The following EXOC6 variants were observed in gnomAD, a reference collection of about 807,000 sequenced individuals.
EXOC6 encodes exocyst complex component 6, also known as SEC15-like 1.
EXOC6 carries 60 observed loss-of-function variants against 112.5 expected under a neutral mutation model. The ratio of observed to expected loss-of-function variants is 0.53; its 90% CI spans 0.43 to 0.66. The LOEUF (loss-of-function observed/expected upper bound fraction) is 0.66, where lower values mean the gene tolerates loss of function less well. EXOC6 is among the 30% of genes least tolerant of loss of function. The probability of loss-of-function intolerance (pLI) is 0.00; values close to 1 mark genes in which losing one functional copy is unlikely to be tolerated. For missense variants in EXOC6, 855 were observed against 957.1 expected, an observed-to-expected ratio of 0.89 and a Z score of 1.41; for synonymous variants, 295 against 308.0, an observed-to-expected ratio of 0.96 and a Z score of 0.44.
chr10:92,926,119 A>G (rs1403821677), intron 8 of EXOC6, among the ~76,000 whole-genome samples: 1 of 151,910 alleles, frequency 6.6e-6, no homozygotes, highest in East Asian at 1.9e-4. Flanking sequence ...TATATTATTA[A>G]TGGGGGAAAA....
At chr10:92,872,253 T>C (rs138946659) in intron 1 of EXOC6, among the ~76,000 whole-genome samples, 2 of 152,208 alleles carry the variant, frequency 1.3e-5, no homozygotes, top group East Asian at 3.9e-4. Context: ...GATCCAAAAG[T>C]TTTTTTATAT....
At chr10:92,827,170 AT>A (rs952196238) in intron 1 of EXOC6, among the ~76,000 whole-genome samples, 1 of 151,314 alleles carries the variant, frequency 6.6e-6, no homozygotes, top group East Asian at 1.9e-4. Flanking sequence ...CCCACACAGT[AT>A]TTTTTTTTAA....
intron 17 of EXOC6, among the ~76,000 whole-genome samples, chr10:92,959,989 T>G (rs1263029407): frequency 6.6e-6 from 1 of 152,214 alleles, no homozygotes; most frequent in African/African-American, 2.4e-5. Context: ...TACCATATGA[T>G]GCAGCAATTG....
chr10:92,910,994 TA>T (rs1183529222), intron 6 of EXOC6, among the ~76,000 whole-genome samples: 1 of 48,510 alleles, frequency 2.1e-5, no homozygotes, highest in Non-Finnish European at 3.8e-5. Flanking sequence ...AACAAGAATG[TA>T]AAAATATTAG....
At chr10:92,941,734 C>T (rs750183960) in intron 13 of EXOC6, among the ~76,000 whole-genome samples, 4 of 152,006 alleles carry the variant, frequency 2.6e-5, no homozygotes, top group African/African-American at 9.7e-5. Flanking sequence ...AGAATCTAAA[C>T]GAGAAAATTA....
chr10:93,006,228 T>G (rs191604842), intron 19 of EXOC6, among the ~76,000 whole-genome samples: 1 of 152,120 alleles, frequency 6.6e-6, no homozygotes, highest in Non-Finnish European at 1.5e-5. Flanking sequence ...TATAGAGTTT[T>G]AGCGACTATG....
chr10:92,934,542 AGTT>A lies in EXOC6; in HGVS notation c.1140+114_1140+116del, dbSNP rs1167461668. On this transcript the variant is annotated intron_variant, in intron 11 of 21. Transcript: ENST00000260762. ...CTCCATCATTCTGCATTTTTTTAGT[AGTT>A]GCTTAGATTTGGAAGTAGTAATGTC... The A allele has an allele frequency of 6.5e-6, 6 of 921,940 alleles. No individual in the cohort carries two copies. The East Asian group carries it at 1.8e-4, about 27-fold the overall frequency. The allele number at this position is 921,940 out of a possible 1,614,324, so 57.1% of individuals were successfully genotyped here. A position where few individuals can be genotyped will look rare whatever the true frequency, so the allele number is the denominator to read the frequency against.
At chr10:92,981,594 T>C (rs1237452306) in intron 18 of EXOC6, among the ~76,000 whole-genome samples, 1 of 152,222 alleles carries the variant, frequency 6.6e-6, no homozygotes, top group African/African-American at 2.4e-5. Flanking sequence ...TTCATTTTTC[T>C]TCCTTTCTAG....
chr10:92,860,553 G>T (rs1017506979), intron 1 of EXOC6, among the ~76,000 whole-genome samples: 2 of 152,070 alleles, frequency 1.3e-5, no homozygotes, highest in Middle Eastern at 3.4e-3. Context: ...GAGCCACTGC[G>T]CCTGGCTCTC....
intron 18 of EXOC6, among the ~76,000 whole-genome samples, chr10:92,978,083 T>C (rs1842699697): frequency 6.6e-6 from 1 of 152,086 alleles, no homozygotes; most frequent in Admixed American, 6.5e-5. Context: ...GGTACAACCA[T>C]ATAAAAAGAA....
At chr10:92,860,110 T>C (rs2133675431) in intron 1 of EXOC6, among the ~76,000 whole-genome samples, 1 of 152,286 alleles carries the variant, frequency 6.6e-6, no homozygotes, top group South Asian at 2.1e-4. Context: ...TTAAAACCCC[T>C]AATCTTCCCA....
chr10:92,966,256 C>T (rs75560688), intron 17 of EXOC6, among the ~76,000 whole-genome samples: 1 of 147,922 alleles, frequency 6.8e-6, no homozygotes, highest in Non-Finnish European at 1.5e-5. Context: ...TTTCCCTAAA[C>T]GTGGTCTAGA....
intron 20 of EXOC6, among the ~76,000 whole-genome samples, chr10:93,014,675 C>G (rs902157154): frequency 6.6e-6 from 1 of 152,064 alleles, no homozygotes; most frequent in African/African-American, 2.4e-5. Flanking sequence ...TAACCCCTTG[C>G]ATAAAATTTT....
intron 17 of EXOC6, among the ~76,000 whole-genome samples, chr10:92,966,275 AATTATAATT>A (rs1842044133): frequency 8.7e-6 from 1 of 114,318 alleles, no homozygotes; most frequent in Non-Finnish European, 1.7e-5. Flanking sequence ...GAAAGCATGT[AATTATAATT>A]ATTATTATTA....
intron 20 of EXOC6, among the ~76,000 whole-genome samples, chr10:93,053,236 A>C (rs1277184496): frequency 6.6e-6 from 1 of 152,094 alleles, no homozygotes; most frequent in African/African-American, 2.4e-5. Context: ...CCAATCAAAG[A>C]CCAGGGTCAT....
intron 8 of EXOC6, among the ~76,000 whole-genome samples, chr10:92,922,482 TA>T (rs1375602487): frequency 2.0e-5 from 3 of 152,210 alleles, no homozygotes; most frequent in Non-Finnish European, 2.9e-5. Context: ...GGGGTTATTA[TA>T]AAAGGGTTAC....
chr10:92,922,882 T>C (rs1316183135), intron 8 of EXOC6, among the ~76,000 whole-genome samples: 3 of 152,084 alleles, frequency 2.0e-5, no homozygotes, highest in African/African-American at 7.2e-5. Flanking sequence ...TTTTTAAGGG[T>C]ATGTGAAGGC....
chr10:92,856,868 G>A (rs541548011), intron 1 of EXOC6, among the ~76,000 whole-genome samples: 31 of 152,176 alleles, frequency 2.0e-4, no homozygotes, highest in African/African-American at 4.8e-4. Flanking sequence ...ACCATTTGCC[G>A]TCATAAAATA....
chr10:92,829,441 C>T lies in EXOC6; in HGVS notation c.-27+2497C>T, dbSNP rs540155854. Among the ~76,000 whole-genome samples, 3 of 152,312 alleles carry T rather than the reference C, an allele frequency of 2.0e-5. No homozygotes were observed. The East Asian group carries it at 5.8e-4, about 29-fold the overall frequency. On this transcript the variant is annotated intron_variant, in intron 1 of 22. Transcript: ENST00000671701. ...CCTCTGCTCTTAACCTCACTCCATACGTGTCCATGTCCTTGATTTCCTTGG... is the reference window on the plus strand; with the variant it reads ...CCTCTGCTCTTAACCTCACTCCATATGTGTCCATGTCCTTGATTTCCTTGG...
Sources: gnomAD v4.1 joint callset for allele counts (sites outside exome capture counted in the v4.1 genomes callset) on GRCh38, gnomAD v4.1.1 for gene constraint, MANE v1.5 for transcripts, NCBI Gene and HGNC (gene_info 2026-07-23, HGNC 2026-07-21) for gene names.